Variants in RABGAP1L observed in about 807,000 individuals in gnomAD.
RABGAP1L encodes RAB GTPase activating protein 1 like.
A neutral mutation model predicts 137.7 loss-of-function variants in RABGAP1L; 63 were observed. The ratio of observed to expected loss-of-function variants is 0.46; its 90% CI spans 0.37 to 0.56. The LOEUF is 0.56. Among genes scored for constraint, RABGAP1L ranks in the 20% least tolerant of loss-of-function variants. The probability of loss-of-function intolerance (pLI) is 0.00; values close to 1 mark genes in which losing one functional copy is unlikely to be tolerated. For missense variants in RABGAP1L, 1,095 were observed against 1,244.0 expected (o/e 0.88, Z 1.80); for synonymous variants, 431 against 433.7 (o/e 0.99, Z 0.08).
chr1:174,588,970 G>A (rs1186277591), intron 13 of RABGAP1L, among the ~76,000 whole-genome samples: 1 of 152,168 alleles, frequency 6.6e-6, no homozygotes, highest in Non-Finnish European at 1.5e-5. Context: ...ATACCTAGCA[G>A]TGGGATTGCT....
chr1:174,577,605 A>G (rs150198473), intron 13 of RABGAP1L, among the ~76,000 whole-genome samples: 472 of 152,284 alleles, frequency 3.1e-3, no homozygotes, highest in Non-Finnish European at 4.9e-3. Flanking sequence ...TATGGCCAGT[A>G]ATCTAAAATA....
chr1:174,657,138 A>AT (rs1676027449), intron 14 of RABGAP1L, among the ~76,000 whole-genome samples: 1 of 152,150 alleles, frequency 6.6e-6, no homozygotes, highest in Middle Eastern at 3.4e-3. Context: ...ATTTGCCACA[A>AT]TTTTTTATTG....
At chr1:174,516,763 G>A (rs1662896988) in intron 13 of RABGAP1L, among the ~76,000 whole-genome samples, 1 of 151,912 alleles carries the variant, frequency 6.6e-6, no homozygotes, top group South Asian at 2.1e-4. Flanking sequence ...TTAAGTGGCA[G>A]AGCTGAGAGT....
At chr1:174,325,076 A>G (rs1274080446) in intron 11 of RABGAP1L, among the ~76,000 whole-genome samples, 1 of 152,188 alleles carries the variant, frequency 6.6e-6, no homozygotes, top group Non-Finnish European at 1.5e-5. Context: ...TTTAGGGTGT[A>G]AAAGACTTGA....
intron 13 of RABGAP1L, among the ~76,000 whole-genome samples, chr1:174,578,441 T>C (rs1668521728): frequency 1.3e-5 from 2 of 152,188 alleles, no homozygotes; most frequent in South Asian, 4.1e-4. Context: ...CTCAAAGTGC[T>C]GGGATTACAG....
rs77921711 is a variant in RABGAP1L, at chr1:174,827,224, A to C, written c.2340+15264A>C. Reference sequence around the variant, plus strand: ...CACAGGTGTGATTATAGCTCACTGCAATCTTGAACTACTGGGCTCAAACGA... The same window carrying C: ...CACAGGTGTGATTATAGCTCACTGCCATCTTGAACTACTGGGCTCAAACGA... On this transcript the variant is annotated intron_variant, in intron 19 of 25. Transcript: ENST00000681986. 3.9e-4 allele frequency among the ~76,000 whole-genome samples: 59 copies of C among 152,246 alleles called. No homozygotes were observed. In the East Asian group the frequency reaches 9.1e-3, roughly 23 times the overall value.
intron 13 of RABGAP1L, among the ~76,000 whole-genome samples, chr1:174,606,284 A>G (rs545807803): frequency 6.6e-6 from 1 of 152,144 alleles, no homozygotes; most frequent in Non-Finnish European, 1.5e-5. Context: ...CAACTCATAA[A>G]TTTTGATTTT....
intron 13 of RABGAP1L, among the ~76,000 whole-genome samples, chr1:174,609,669 A>G (rs529120257): frequency 1.3e-5 from 2 of 152,334 alleles, no homozygotes; most frequent in Non-Finnish European, 2.9e-5. Context: ...TGAAAAAGTT[A>G]ACATGTAAAC....
rs983792208 is a variant in RABGAP1L at position 174,272,401 on chromosome 1, C to G, written c.987-13C>G. 1 of 1,596,338 alleles carries G rather than the reference C, an allele frequency of 6.3e-7. No homozygotes were observed. The highest frequency in any genetic ancestry group is 1.7e-4 in the Middle Eastern group (1 of 6,012). On this transcript the variant is annotated splice_polypyrimidine_tract_variant and intron_variant, in intron 7 of 25. Transcript: ENST00000681986. ...ATACCTTATTTCTCCTTTTTTTCCC[C>G]CAATATTTTCAGATGTTTTGGAATG...
At chr1:174,977,544 T>C (rs952312778) in intron 22 of RABGAP1L, among the ~76,000 whole-genome samples, 2 of 152,234 alleles carry the variant, frequency 1.3e-5, no homozygotes, top group African/African-American at 4.8e-5. Flanking sequence ...ACCTAGTATG[T>C]TGCAAGAACA....
intron 12 of RABGAP1L, among the ~76,000 whole-genome samples, chr1:174,388,646 A>G (rs995256865): frequency 2.6e-5 from 4 of 152,080 alleles, no homozygotes; most frequent in African/African-American, 9.7e-5. Flanking sequence ...TAGGCAGAAT[A>G]ATATCTGGAT....
chr1:174,854,674 T>G (rs990785506), intron 19 of RABGAP1L, among the ~76,000 whole-genome samples: 4 of 141,284 alleles, frequency 2.8e-5, no homozygotes, highest in African/African-American at 1.1e-4. Flanking sequence ...AAAAAAACTT[T>G]TACCTTTTAA....
chr1:174,260,518 G>C (rs1404756462), intron 7 of RABGAP1L, among the ~76,000 whole-genome samples: 1 of 152,076 alleles, frequency 6.6e-6, no homozygotes, highest in Non-Finnish European at 1.5e-5. Flanking sequence ...TGTGAGGAGT[G>C]GTAGGGCAAA....
intron 13 of RABGAP1L, among the ~76,000 whole-genome samples, chr1:174,394,371 A>AT (rs1647557532): frequency 6.6e-6 from 1 of 152,100 alleles, no homozygotes; most frequent in Non-Finnish European, 1.5e-5. Flanking sequence ...CATTCAAGTG[A>AT]TTTTATAATA....
chr1:174,193,446 C>T (rs933817722), intron 1 of RABGAP1L, among the ~76,000 whole-genome samples: 2 of 152,156 alleles, frequency 1.3e-5, no homozygotes, highest in African/African-American at 2.4e-5. Context: ...GCATGAGAAT[C>T]GCTTGAATCT....
rs747671420 is a variant in RABGAP1L at position 174,664,730 on chromosome 1, C to CTTTTTTTTTTTTTTTTTTTTTT, written c.1825-18789_1825-18788insTTTTTTTTTTTTTTTTTTTTTT. ...CTCTCTCTTTCTTTCTTTCTTTCTG[C>CTTTTTTTTTTTTTTTTTTTTTT]TTTCTTTTTTTTTTTTTTTTTTTTT... On this transcript the variant is annotated intron_variant, in intron 14 of 25. Coordinates refer to ENST00000681986, the MANE Select transcript of RABGAP1L (RefSeq NM_001366446.1). Among the ~76,000 whole-genome samples, 21 of 98,900 alleles carry CTTTTTTTTTTTTTTTTTTTTTT rather than the reference C, an allele frequency of 2.1e-4. 3 individuals are homozygous for CTTTTTTTTTTTTTTTTTTTTTT. The highest frequency in any genetic ancestry group is 8.9e-4 in the African/African-American group (14 of 15,668). The allele number at this position is 98,900 out of a possible 152,430, so 64.9% of individuals were successfully genotyped here. A position where few individuals can be genotyped will look rare whatever the true frequency, so the allele number is the denominator to read the frequency against.
At chr1:174,223,071 C>A (rs935625741) in intron 3 of RABGAP1L, among the ~76,000 whole-genome samples, 4 of 151,652 alleles carry the variant, frequency 2.6e-5, no homozygotes, top group African/African-American at 9.7e-5. Context: ...AGTTCCAGAC[C>A]AGCCTGGCTA....
At chr1:174,780,087 TAAA>T (rs1213381436) in intron 18 of RABGAP1L, among the ~76,000 whole-genome samples, 137 of 149,208 alleles carry the variant, frequency 9.2e-4, no homozygotes, top group Non-Finnish European at 1.6e-3. Flanking sequence ...AATAAATAAA[TAAA>T]TAAATAAATA....
intron 12 of RABGAP1L, among the ~76,000 whole-genome samples, chr1:174,378,609 C>A (rs904181374): frequency 6.6e-6 from 1 of 152,076 alleles, no homozygotes; most frequent in African/African-American, 2.4e-5. Flanking sequence ...TGTTCATGTC[C>A]TTCGCCCACT....
Sources: gnomAD v4.1 joint callset for allele counts (sites outside exome capture counted in the v4.1 genomes callset) on GRCh38, gnomAD v4.1.1 for gene constraint, MANE v1.5 for transcripts, NCBI Gene and HGNC (gene_info 2026-07-23, HGNC 2026-07-21) for gene names.